The following PDSS2 variants were observed in gnomAD, a reference collection of about 807,000 sequenced individuals.
PDSS2 encodes all trans-polyprenyl-diphosphate synthase PDSS2.
Under a neutral mutation model 44.5 loss-of-function variants are expected in PDSS2, and 31 were observed. The ratio of observed to expected loss-of-function variants is 0.70; its 90% CI spans 0.52 to 0.94. The LOEUF (loss-of-function observed/expected upper bound fraction) is 0.94, where lower values mean the gene tolerates loss of function less well. Among genes scored for constraint, PDSS2 ranks in the 40% least tolerant of loss-of-function variants. PDSS2 has a pLI of 0.00. For synonymous variants in PDSS2, 157 were observed against 180.3 expected (o/e 0.87, Z 1.03); for missense variants, 452 against 482.2 (o/e 0.94, Z 0.59).
At chr6:107,372,065 T>C (rs9373945) in intron 1 of PDSS2, among the ~76,000 whole-genome samples, 18,291 of 152,210 alleles carry the variant, frequency 0.12, 1,417 homozygotes, top group East Asian at 0.24. Context: ...CAATAGAGAT[T>C]TTAGGCTTTT....
intron 1 of PDSS2, among the ~76,000 whole-genome samples, chr6:107,403,528 A>G (rs954899024): frequency 3.3e-5 from 5 of 152,260 alleles, no homozygotes; most frequent in Middle Eastern, 3.4e-3. Flanking sequence ...CTCTGACCCC[A>G]CATTTCCCTT....
intron 2 of PDSS2, among the ~76,000 whole-genome samples, chr6:107,300,067 G>A (rs1267700191): frequency 1.3e-5 from 2 of 151,910 alleles, no homozygotes; most frequent in Non-Finnish European, 2.9e-5. Context: ...TGAAGTCTCG[G>A]CCCAAAACCC....
At chr6:107,265,195 G>A (rs1382813864) in intron 3 of PDSS2, among the ~76,000 whole-genome samples, 1 of 152,044 alleles carries the variant, frequency 6.6e-6, no homozygotes, top group Non-Finnish European at 1.5e-5. Context: ...ATATCTTCAG[G>A]GAAAAGCCAA....
Position 107,256,073 on chromosome 6 carries a change from C to T in PDSS2, c.631-10454G>A, listed in dbSNP as rs529314843. On this transcript the variant is annotated intron_variant, in intron 3 of 7. Coordinates refer to ENST00000369037, the MANE Select transcript of PDSS2 (RefSeq NM_020381.4). ...TGGTGCCATCTTGGCTCACTGTAAC[C>T]TCCCCGTCCCAGGTTCAAGCAATTC... is the stretch of plus-strand genomic sequence containing the variant. Among the ~76,000 whole-genome samples the T allele has an allele frequency of 2.6e-5, 4 of 152,270 alleles. No individual in the cohort carries two copies. In the East Asian group the frequency reaches 7.7e-4, roughly 29 times the overall value.
intron 1 of PDSS2, among the ~76,000 whole-genome samples, chr6:107,346,655 GA>G: frequency 6.6e-6 from 1 of 152,052 alleles, no homozygotes; most frequent in Non-Finnish European, 1.5e-5. Context: ...TCCAATAAGC[GA>G]GAGACCTGGG....
chr6:107,346,705 C>G (rs1303792739), intron 1 of PDSS2, among the ~76,000 whole-genome samples: 2 of 152,022 alleles, frequency 1.3e-5, no homozygotes, highest in Non-Finnish European at 2.9e-5. Flanking sequence ...CATGTTCCCC[C>G]AAACTGGAAA....
intron 1 of PDSS2, among the ~76,000 whole-genome samples, chr6:107,341,307 T>C (rs1778071949): frequency 6.6e-6 from 1 of 152,100 alleles, no homozygotes; most frequent in Non-Finnish European, 1.5e-5. Context: ...GATTCCAACC[T>C]GTTTGCTGGA....
At chr6:107,245,418 CAAAAAAAAAAAAAAAAA>C (rs35614951) in intron 4 of PDSS2, 113 bp downstream of exon 4, 2 of 119,462 alleles carry the variant, frequency 1.7e-5, no homozygotes, top group Admixed American at 3.5e-4. Context: ...AAACACTAAT[CAAAAAAAAAAAAAAAAA>C]AAAAAAAAAA....
chr6:107,284,391 TG>T (rs1776070768), intron 2 of PDSS2, among the ~76,000 whole-genome samples: 1 of 152,150 alleles, frequency 6.6e-6, no homozygotes, highest in Non-Finnish European at 1.5e-5. Context: ...CTGGGCGCGG[TG>T]GCTCACACCT....
intron 2 of PDSS2, among the ~76,000 whole-genome samples, chr6:107,290,539 T>C (rs745671951): frequency 2.6e-5 from 4 of 152,088 alleles, no homozygotes; most frequent in Non-Finnish European, 5.9e-5. Context: ...CCCCCGCCTC[T>C]CTGACTTCAT....
intron 4 of PDSS2, among the ~76,000 whole-genome samples, chr6:107,228,057 T>G (rs1773895085): frequency 6.6e-6 from 1 of 152,196 alleles, no homozygotes; most frequent in African/African-American, 2.4e-5. Flanking sequence ...ACATGCCTAA[T>G]AGTGATGTTT....
chr6:107,203,423 G>C (rs1480112149), intron 6 of PDSS2, among the ~76,000 whole-genome samples: 1 of 151,976 alleles, frequency 6.6e-6, no homozygotes, highest in Non-Finnish European at 1.5e-5. Flanking sequence ...CTCTGATTGG[G>C]CTTTTCTCTT....
chr6:107,292,596 T>A (rs1237255645), intron 2 of PDSS2, among the ~76,000 whole-genome samples: 1 of 152,196 alleles, frequency 6.6e-6, no homozygotes. Context: ...ATAATAAAGC[T>A]CTGCTTAGTG....
intron 1 of PDSS2, among the ~76,000 whole-genome samples, chr6:107,430,877 T>C (rs1301185175): frequency 6.6e-6 from 1 of 152,170 alleles, no homozygotes; most frequent in Non-Finnish European, 1.5e-5. Context: ...ACCAGCAATT[T>C]CTTCATCTTC....
intron 2 of PDSS2, among the ~76,000 whole-genome samples, chr6:107,298,325 T>C (rs1776577739): frequency 6.6e-6 from 1 of 152,158 alleles, no homozygotes; most frequent in African/African-American, 2.4e-5. Context: ...AGCAGACTTT[T>C]TTCCTGGTCA....
chr6:107,322,108 A>T (rs538236282), intron 2 of PDSS2, among the ~76,000 whole-genome samples: 1 of 152,362 alleles, frequency 6.6e-6, no homozygotes, highest in African/African-American at 2.4e-5. Context: ...TCATGCTTTT[A>T]TCTTCCTCAC....
At chr6:107,360,706 T>C (rs769573367) in intron 1 of PDSS2, among the ~76,000 whole-genome samples, 32 of 152,220 alleles carry the variant, frequency 2.1e-4, no homozygotes, top group Non-Finnish European at 4.4e-4. Context: ...CAACAAACTT[T>C]TGTTTCTTCA....
At chr6:107,326,265 G>A (rs1386023678) in intron 2 of PDSS2, among the ~76,000 whole-genome samples, 9 of 151,742 alleles carry the variant, frequency 5.9e-5, no homozygotes, top group African/African-American at 2.2e-4. Context: ...CACCATGCCT[G>A]GCTAATTTTT....
At chr6:107,284,231 G>A (rs921500819) in intron 2 of PDSS2, among the ~76,000 whole-genome samples, 1 of 151,930 alleles carries the variant, frequency 6.6e-6, no homozygotes, top group Non-Finnish European at 1.5e-5. Flanking sequence ...CTTCCACTTA[G>A]AAATAATAAA....
Sources: gnomAD v4.1 joint callset for allele counts (sites outside exome capture counted in the v4.1 genomes callset) on GRCh38, gnomAD v4.1.1 for gene constraint, MANE v1.5 for transcripts, NCBI Gene and HGNC (gene_info 2026-07-23, HGNC 2026-07-21) for gene names.